The following TOLLIP variants were observed in gnomAD, a reference collection of about 807,000 sequenced individuals.
TOLLIP encodes the protein toll-interacting protein.
Under a neutral mutation model 33.5 loss-of-function variants are expected in TOLLIP, and 16 were observed. The ratio of observed to expected loss-of-function variants is 0.48; its 90% CI spans 0.32 to 0.72. The LOEUF is 0.72. Among genes scored for constraint, TOLLIP ranks in the 30% least tolerant of loss-of-function variants. The pLI is 0.03. For missense variants in TOLLIP, 325 were observed against 396.6 expected (o/e 0.82, Z 1.53); for synonymous variants, 176 against 163.7 (o/e 1.07, Z -0.57).
chr11:1,287,100 C>G (rs1051786596), intron 4 of TOLLIP, among the ~76,000 whole-genome samples: 1 of 151,780 alleles, frequency 6.6e-6, no homozygotes, highest in Non-Finnish European at 1.5e-5. Context: ...TCTCTGAGTT[C>G]AAAACTGTCA....
Position 1,290,122 on chromosome 11 carries a change from C to T in TOLLIP, c.366+105G>A, listed in dbSNP as rs576871798. ...CAATGAAACACCAGGTGGGGAGCCA[C>T]GCCTCGAAGCCAGCCAGGAACGTGG... On this transcript the variant is annotated intron_variant, in intron 3 of 5. Coordinates refer to ENST00000317204, the MANE Select transcript of TOLLIP (RefSeq NM_019009.4). The surrounding 1 kb of genome is among the most constrained non-coding windows in gnomAD (Gnocchi z 4.9). 8.1e-5 allele frequency: 98 copies of T among 1,211,402 alleles called. No homozygotes were observed. Among genetic ancestry groups the T allele is most frequent in the Middle Eastern group, 2.0e-4 (1 of 4,922 alleles). 75.0% of individuals were successfully genotyped at this position (1,211,402 alleles called of 1,614,324 possible).
At chr11:1,304,034 T>TAA (rs1190313088) in intron 1 of TOLLIP, among the ~76,000 whole-genome samples, 188 of 87,858 alleles carry the variant, frequency 2.1e-3, no homozygotes, top group African/African-American at 7.0e-3. Flanking sequence ...AGCCTCCATG[T>TAA]AAAAAAAAAA....
At chr11:1,305,650 G>A (rs1291609901) in intron 1 of TOLLIP, among the ~76,000 whole-genome samples, 2 of 152,216 alleles carry the variant, frequency 1.3e-5, no homozygotes, top group African/African-American at 2.4e-5. Context: ...TGAAGTCACC[G>A]ATTCGGCAGG....
At chr11:1,288,853 C>A in intron 3 of TOLLIP, 77 bp from the exon 4 acceptor site, 2 of 1,508,886 alleles carry the variant, frequency 1.3e-6, no homozygotes, top group Non-Finnish European at 1.8e-6. Flanking sequence ...CCATCGTGGG[C>A]CCGCCTCGAG....
rs544425041 is a variant in TOLLIP, at chr11:1,308,000, G to A, written c.33+1466C>T. The stretch of plus-strand genomic sequence containing the variant: ...CCTGGTGACCCCTCCACCACGTCCA[G>A]TACTGGGCTGCGCGAGGGCAGGGAC... On this transcript the variant is annotated intron_variant, in intron 1 of 5. Coordinates refer to ENST00000317204, the MANE Select transcript of TOLLIP (RefSeq NM_019009.4). Among the ~76,000 whole-genome samples, 3 of 152,324 alleles carry A rather than the reference G, an allele frequency of 2.0e-5. No homozygotes were observed. In the South Asian group the frequency reaches 6.2e-4, roughly 32 times the overall value.
rs1863830092 is a variant in TOLLIP, at chr11:1,288,687, G to A, written c.456C>T (p.Tyr152=). 5 of 1,612,918 alleles carry A rather than the reference G, an allele frequency of 3.1e-6. No individual in the cohort carries two copies. The East Asian group carries it at 1.1e-4, about 36-fold the overall frequency. The stretch of plus-strand genomic sequence containing the variant: ...CGTCCCCCTGCCTCCCGCTCAGGCT[G>A]TACCACTTGTCCTCCACCTTGCCCT... ...LRQGKVEDKW[Y]SLSGRQGDDK... is the part of the protein sequence containing the mutation. The change falls in exon 4 of 6, where the codon TAC becomes TAT. Residue 152 remains tyrosine (Y), a synonymous_variant. Coordinates refer to ENST00000317204, the MANE Select transcript of TOLLIP (RefSeq NM_019009.4).
At chr11:1,295,499 T>G in intron 2 of TOLLIP, 146 bp downstream of exon 2, 1 of 1,094,500 alleles carries the variant, frequency 9.1e-7, no homozygotes, top group South Asian at 1.7e-5. Context: ...CAGATCGTTT[T>G]CAACATCACA....
intron 2 of TOLLIP, among the ~76,000 whole-genome samples, chr11:1,293,285 G>A (rs1422586056): frequency 1.3e-5 from 2 of 152,248 alleles, no homozygotes; most frequent in East Asian, 3.9e-4. Context: ...AACACCTGGG[G>A]AGGCCATGTG....
At chr11:1,295,121 A>C (rs1197379614) in intron 2 of TOLLIP, among the ~76,000 whole-genome samples, 2 of 152,158 alleles carry the variant, frequency 1.3e-5, no homozygotes, top group Non-Finnish European at 2.9e-5. Context: ...CTTTTCCTGC[A>C]GTCTTACAGA....
rs942713095 is a variant in TOLLIP, at chr11:1,278,132, G to C, written c.611-879C>G. Among the ~76,000 whole-genome samples, 2 of 152,136 alleles carry C rather than the reference G, an allele frequency of 1.3e-5. No homozygotes were observed. The highest frequency in any genetic ancestry group is 4.8e-5 in the African/African-American group (2 of 41,414). On this transcript the variant is annotated intron_variant, in intron 5 of 5. Coordinates refer to ENST00000317204, the MANE Select transcript of TOLLIP (RefSeq NM_019009.4). The surrounding 1 kb of genome is among the most constrained non-coding windows in gnomAD (Gnocchi z 4.7). Reference sequence around the variant, plus strand: ...GGCCGGACTTAAGACTCGCCTCCCAGCCTGGTGGCCGCTCCCTAAAACCAC... The same window carrying C: ...GGCCGGACTTAAGACTCGCCTCCCACCCTGGTGGCCGCTCCCTAAAACCAC...
chr11:1,290,424 A>G lies in TOLLIP; in HGVS notation c.184-15T>C. ...GCCAACTTTGCCTGGAATGAAGCCA[A>G]TGTCAGGAAAAGGAGGTGCCAACCA... On this transcript the variant is annotated splice_polypyrimidine_tract_variant and intron_variant, in intron 2 of 5. Coordinates refer to ENST00000317204, the MANE Select transcript of TOLLIP (RefSeq NM_019009.4). This position sits in a 1 kb window ranked among gnomAD's most constrained non-coding sequence, Gnocchi z 4.9. The G allele has an allele frequency of 6.2e-7, 1 of 1,608,370 alleles. No homozygotes were observed. Among genetic ancestry groups the G allele is most frequent in the Non-Finnish European group, 8.5e-7 (1 of 1,175,808 alleles).
intron 1 of TOLLIP, among the ~76,000 whole-genome samples, chr11:1,309,039 G>A (rs77240435): frequency 1.3e-5 from 2 of 152,076 alleles, no homozygotes; most frequent in Admixed American, 6.5e-5. Context: ...CCATTAGGGT[G>A]CGGGGCCCTC....
Position 1,287,016 on chromosome 11 carries a change from G to A in TOLLIP, c.520-924C>T, listed in dbSNP as rs573507013. On this transcript the variant is annotated intron_variant, in intron 4 of 5. Coordinates refer to ENST00000317204, the MANE Select transcript of TOLLIP (RefSeq NM_019009.4). The stretch of plus-strand genomic sequence containing the variant: ...CTCTGAGTTCGAAACTGTCAGCTGC[G>A]GATAAGTCACTGCACCACTGTCGCC... Among the ~76,000 whole-genome samples the A allele has an allele frequency of 1.6e-3, 249 of 151,904 alleles. 2 individuals are homozygous for A. The highest frequency in any genetic ancestry group is 5.8e-3 in the African/African-American group (242 of 41,412).
At chr11:1,292,366 G>A (rs1863978814) in intron 2 of TOLLIP, among the ~76,000 whole-genome samples, 1 of 152,146 alleles carries the variant, frequency 6.6e-6, no homozygotes, top group Admixed American at 6.5e-5. Flanking sequence ...AACTTTAAAG[G>A]CTTTGAGCAA....
Position 1,276,971 on chromosome 11 carries a change from C to A in TOLLIP, c.*68G>T. The A allele has an allele frequency of 1.3e-6, 2 of 1,591,762 alleles. No individual in the cohort carries two copies. Among genetic ancestry groups the A allele is most frequent in the South Asian group, 1.1e-5 (1 of 88,594 alleles). On this transcript the variant is annotated 3_prime_UTR_variant, in exon 6 of 6. Transcript: ENST00000317204. The stretch of plus-strand genomic sequence containing the variant: ...TTTCACGGGAATCTTGTTGGGACAG[C>A]ATTCCTTGGGGAGCGCCGGGTCGGC...
intron 1 of TOLLIP, among the ~76,000 whole-genome samples, chr11:1,300,115 T>G (rs1426157947): frequency 6.6e-6 from 1 of 152,266 alleles, no homozygotes; most frequent in Non-Finnish European, 1.5e-5. Flanking sequence ...ATTCGTGAAT[T>G]ACTTTTAAAA....
chr11:1,295,592 C>A (rs1471834622), intron 2 of TOLLIP, 53 bp downstream of exon 2: 4 of 1,441,206 alleles, frequency 2.8e-6, no homozygotes, highest in African/African-American at 1.4e-5. Context: ...CGAAATCCCA[C>A]CCCCACCGAG....
intron 3 of TOLLIP, among the ~76,000 whole-genome samples, chr11:1,289,651 G>A (rs1427198412): frequency 6.7e-6 from 1 of 150,328 alleles, no homozygotes; most frequent in African/African-American, 2.5e-5. Context: ...AATCCCACCT[G>A]CTGGTGAGCG....
At chr11:1,306,915 G>A (rs529451752) in intron 1 of TOLLIP, among the ~76,000 whole-genome samples, 20 of 139,542 alleles carry the variant, frequency 1.4e-4, no homozygotes, top group Admixed American at 1.2e-3. Flanking sequence ...TTCCTCCTCC[G>A]AGAGATGTCA....
Sources: allele counts gnomAD v4.1 joint callset (sites outside exome capture counted in the v4.1 genomes callset), GRCh38; gene constraint gnomAD v4.1.1; non-coding constraint Gnocchi (gnomAD v3.1); transcripts MANE v1.5; gene names NCBI Gene and HGNC (gene_info 2026-07-23, HGNC 2026-07-21).